The following HDAC9 variants were observed in gnomAD, a reference collection of about 807,000 sequenced individuals.
HDAC9 encodes the protein histone deacetylase 9.
A neutral mutation model predicts 139.4 loss-of-function variants in HDAC9; 41 were observed. The observed-to-expected ratio is 0.29, with a 90% CI of 0.23 to 0.38. The LOEUF (loss-of-function observed/expected upper bound fraction) is 0.38. Ranked by LOEUF, HDAC9 falls within the 10% of genes least tolerant of loss-of-function variation. The pLI is 1.00. For synonymous variants in HDAC9, 517 were observed against 476.2 expected, an observed-to-expected ratio of 1.09 and a Z score of -1.12; for missense variants, 1,147 against 1,297.0, an observed-to-expected ratio of 0.88 and a Z score of 1.78.
chr7:18,589,070 C>T (rs573516918), intron 3 of HDAC9, among the ~76,000 whole-genome samples: 44 of 152,032 alleles, frequency 2.9e-4, no homozygotes, highest in Middle Eastern at 3.4e-3. Context: ...AGTATGGCTC[C>T]GAGTAGTTTA....
At chr7:18,120,151 A>G (rs12699966) in intron 1 of HDAC9, among the ~76,000 whole-genome samples, 84,324 of 151,994 alleles carry the variant, frequency 0.55, 25,934 homozygotes, top group Non-Finnish European at 0.68. Flanking sequence ...CCCTTGGGAC[A>G]TTTGGCAATG....
intron 2 of HDAC9, among the ~76,000 whole-genome samples, chr7:18,506,692 A>C (rs1441189898): frequency 6.6e-6 from 1 of 152,214 alleles, no homozygotes; most frequent in Non-Finnish European, 1.5e-5. Flanking sequence ...AGTATACATC[A>C]TGAATGACTT....
At chr7:18,495,327 C>T (rs1796713738), upstream of HDAC9, among the ~76,000 whole-genome samples, 1 of 152,094 alleles carries the variant, frequency 6.6e-6, no homozygotes, top group Admixed American at 6.6e-5. Context: ...CTGTACTTCT[C>T]TCCTCTCTCT....
intron 21 of HDAC9, among the ~76,000 whole-genome samples, chr7:18,836,400 A>G (rs972870532): frequency 2.6e-5 from 4 of 152,124 alleles, no homozygotes; most frequent in African/African-American, 9.7e-5. Context: ...CCTTTTTTAC[A>G]TAGCACCATT....
chr7:18,933,525 T>C (rs1323743909), intron 22 of HDAC9, among the ~76,000 whole-genome samples: 2 of 151,674 alleles, frequency 1.3e-5, no homozygotes, highest in Non-Finnish European at 2.9e-5. Context: ...TTTCCATATA[T>C]AAATTTTGGG....
intron 25 of HDAC9, among the ~76,000 whole-genome samples, chr7:18,978,305 A>T (rs975015325): frequency 1.6e-4 from 25 of 152,154 alleles, no homozygotes; most frequent in Admixed American, 3.3e-4. Context: ...TGGCCAACTC[A>T]TATCTGACTC....
At chr7:18,100,061 G>A (rs1293990113) in intron 1 of HDAC9, among the ~76,000 whole-genome samples, 1 of 152,042 alleles carries the variant, frequency 6.6e-6, no homozygotes, top group East Asian at 1.9e-4. Flanking sequence ...TTCTGAAAAT[G>A]TCTTATTTCA....
intron 22 of HDAC9, among the ~76,000 whole-genome samples, chr7:18,894,834 G>C (rs1801027381): frequency 6.6e-6 from 1 of 152,140 alleles, no homozygotes; most frequent in African/African-American, 2.4e-5. Context: ...TTGAGTTCTA[G>C]GACACAGGTA....
At chr7:18,535,722 CAAAAAAAAAAAAA>C (rs72123660) in intron 2 of HDAC9, among the ~76,000 whole-genome samples, 8 of 49,232 alleles carry the variant, frequency 1.6e-4, no homozygotes, top group African/African-American at 1.6e-4. Flanking sequence ...AGGCATTAAG[CAAAAAAAAAAAAA>C]AAAAAAAAAA....
At chr7:18,575,028 G>A (rs1027519865) in intron 2 of HDAC9, among the ~76,000 whole-genome samples, 2 of 152,352 alleles carry the variant, frequency 1.3e-5, no homozygotes, top group South Asian at 2.1e-4. Flanking sequence ...GGCAGCCCCC[G>A]CCCCCACTGC....
chr7:18,723,194 C>G lies in HDAC9; in HGVS notation c.1732-4386C>G, dbSNP rs1244671290. Among the ~76,000 whole-genome samples the G allele has an allele frequency of 3.3e-5, 5 of 151,940 alleles. No individual in the cohort carries two copies. The East Asian group carries it at 5.8e-4, about 18-fold the overall frequency. On this transcript the variant is annotated intron_variant, in intron 12 of 25. Coordinates refer to ENST00000686413, the MANE Select transcript of HDAC9 (RefSeq NM_178425.4). ...ATATGTTTCCTTGTTTTATCCTATC[C>G]TTATAATAAGATCTTAAGGATGATT...
chr7:18,371,358 A>G (rs1784578995), intron 1 of HDAC9, among the ~76,000 whole-genome samples: 1 of 152,200 alleles, frequency 6.6e-6, no homozygotes, highest in South Asian at 2.1e-4. Context: ...AAGAAGGAAG[A>G]TAAATGAATT....
chr7:18,980,710 TC>T (rs1398899755), intron 25 of HDAC9, among the ~76,000 whole-genome samples: 3 of 144,298 alleles, frequency 2.1e-5, no homozygotes, highest in African/African-American at 7.9e-5. Flanking sequence ...TCTTCTTCCT[TC>T]TTCCTCTTCT....
At chr7:18,494,034 C>T (rs1796565557), upstream of HDAC9, among the ~76,000 whole-genome samples, 1 of 151,880 alleles carries the variant, frequency 6.6e-6, no homozygotes, top group Non-Finnish European at 1.5e-5. Flanking sequence ...CTGTTTCTAT[C>T]CTTTGAATTT....
intron 2 of HDAC9, among the ~76,000 whole-genome samples, chr7:18,172,898 G>C (rs776128098): frequency 6.6e-6 from 1 of 152,204 alleles, no homozygotes; most frequent in Non-Finnish European, 1.5e-5. Flanking sequence ...GAGTAAGTGC[G>C]ATGTGGTGTT....
At chr7:18,688,284 G>T (rs1467058150) in intron 12 of HDAC9, among the ~76,000 whole-genome samples, 1 of 151,716 alleles carries the variant, frequency 6.6e-6, no homozygotes, top group Non-Finnish European at 1.5e-5. Flanking sequence ...ATAAAGCTCA[G>T]TCTGTTTAGT....
chr7:18,788,379 T>G (rs912835028), intron 16 of HDAC9, among the ~76,000 whole-genome samples: 3 of 152,196 alleles, frequency 2.0e-5, no homozygotes, highest in African/African-American at 7.2e-5. Flanking sequence ...TGCTGTAGCT[T>G]AATCTTCCAT....
intron 1 of HDAC9, among the ~76,000 whole-genome samples, chr7:18,152,260 C>CTGGCTCTAA (rs1454993693): frequency 6.6e-6 from 1 of 152,134 alleles, no homozygotes; most frequent in Non-Finnish European, 1.5e-5. Flanking sequence ...CCTAGTGACC[C>CTGGCTCTAA]TGCAAGTAAC....
chr7:18,615,505 C>T (rs541550228), intron 6 of HDAC9, among the ~76,000 whole-genome samples: 7 of 152,246 alleles, frequency 4.6e-5, no homozygotes, highest in African/African-American at 1.7e-4. Flanking sequence ...GGAACTTTTA[C>T]AGAAATATTT....
Sources: allele counts gnomAD v4.1 joint callset (sites outside exome capture counted in the v4.1 genomes callset), GRCh38; gene constraint gnomAD v4.1.1; transcripts MANE v1.5; gene names NCBI Gene and HGNC (gene_info 2026-07-23, HGNC 2026-07-21).